PAPSS1: variants seen among roughly 807,000 people sequenced by gnomAD.
The protein encoded by PAPSS1 is 3'-phosphoadenosine 5'-phosphosulfate synthase 1.
In PAPSS1, 50 loss-of-function variants were observed where a neutral mutation model predicts 72.0. The ratio of observed to expected loss-of-function variants is 0.69; its 90% CI spans 0.55 to 0.88. The LOEUF (loss-of-function observed/expected upper bound fraction) is 0.88, where lower values mean the gene tolerates loss of function less well. Ranked by LOEUF, PAPSS1 falls within the 40% of genes least tolerant of loss-of-function variation. The probability of loss-of-function intolerance (pLI) is 0.00; values close to 1 mark genes in which losing one functional copy is unlikely to be tolerated. For missense variants in PAPSS1, 657 were observed against 782.2 expected (o/e 0.84, Z 1.91); for synonymous variants, 261 against 263.6 (o/e 0.99, Z 0.09).
intron 1 of PAPSS1, among the ~76,000 whole-genome samples, chr4:107,714,912 A>G (rs887488427): frequency 2.1e-4 from 32 of 152,204 alleles, no homozygotes; most frequent in Admixed American, 6.5e-5. Context: ...TGCTACCAGA[A>G]GCCAGGGTGC....
intron 3 of PAPSS1, among the ~76,000 whole-genome samples, chr4:107,691,123 T>C (rs1722909150): frequency 6.6e-6 from 1 of 151,988 alleles, no homozygotes; most frequent in Non-Finnish European, 1.5e-5. Flanking sequence ...AGTGAACCTG[T>C]GTAAATAATA....
chr4:107,713,424 A>C (rs568526811), intron 1 of PAPSS1, among the ~76,000 whole-genome samples: 2 of 152,224 alleles, frequency 1.3e-5, no homozygotes, highest in South Asian at 4.2e-4. Context: ...ATGGCTGTAC[A>C]ACTCTGGCTA....
chr4:107,669,327 AAAC>A (rs1294745108), intron 5 of PAPSS1, among the ~76,000 whole-genome samples: 2 of 152,230 alleles, frequency 1.3e-5, no homozygotes, highest in Non-Finnish European at 2.9e-5. Context: ...TTAGTGAGAA[AAAC>A]AACCAAAAGA....
At position 107,654,676 on chromosome 4, in the gene PAPSS1, A is replaced by C; in HGVS notation, c.1101+19T>G. 1 of 1,591,088 alleles carries C rather than the reference A, an allele frequency of 6.3e-7. No homozygotes were observed. Among genetic ancestry groups the C allele is most frequent in the South Asian group, 1.1e-5 (1 of 90,442 alleles). On this transcript the variant is annotated intron_variant, in intron 8 of 11. Transcript: ENST00000265174. ...TCATTGGCAAATCAAGATAAAATGCAGCGAGGTTTTTTCAGCACCTTAATA... is the reference window on the plus strand; with the variant it reads ...TCATTGGCAAATCAAGATAAAATGCCGCGAGGTTTTTTCAGCACCTTAATA...
At chr4:107,672,847 C>T (rs1727526755) in intron 5 of PAPSS1, among the ~76,000 whole-genome samples, 1 of 152,216 alleles carries the variant, frequency 6.6e-6, no homozygotes, top group Non-Finnish European at 1.5e-5. Context: ...CAGCCAGGTA[C>T]TCCTCTGAGA....
In PAPSS1 at chr4:107,694,196, G is replaced by A. The variant is rs1723011446; in HGVS notation, c.176-190C>T. ...ATGCCTCAGCCTTCCAAATAGCTAG[G>A]ACAACAGGCACATGCCACCACATCC... On this transcript the variant is annotated intron_variant, in intron 2 of 11. Transcript: ENST00000265174. 14 of 549,128 alleles carry A rather than the reference G, an allele frequency of 2.5e-5. No homozygotes were observed. The South Asian group carries it at 3.2e-4, about 13-fold the overall frequency. The allele number at this position is 549,128 out of a possible 1,614,324, so 34.0% of individuals were successfully genotyped here. A position where few individuals can be genotyped will look rare whatever the true frequency, so the allele number is the denominator to read the frequency against.
chr4:107,675,819 C>G (rs903963223), intron 5 of PAPSS1, among the ~76,000 whole-genome samples: 1 of 152,162 alleles, frequency 6.6e-6, no homozygotes, highest in Admixed American at 6.5e-5. Flanking sequence ...AGCAGCACAT[C>G]AAAAAGCTTA....
At chr4:107,705,801 C>T (rs537427043) in intron 1 of PAPSS1, among the ~76,000 whole-genome samples, 6 of 152,336 alleles carry the variant, frequency 3.9e-5, no homozygotes, top group Admixed American at 2.6e-4. Context: ...TAATTAGCAT[C>T]CTTTTATTTC....
At chr4:107,698,665 T>C (rs2125935788) in intron 2 of PAPSS1, among the ~76,000 whole-genome samples, 1 of 152,284 alleles carries the variant, frequency 6.6e-6, no homozygotes, top group South Asian at 2.1e-4. Context: ...ACCTAAACTG[T>C]AATTGATGAA....
intron 11 of PAPSS1, among the ~76,000 whole-genome samples, chr4:107,624,798 G>C (rs1293029638): frequency 6.6e-6 from 1 of 152,162 alleles, no homozygotes; most frequent in Non-Finnish European, 1.5e-5. Flanking sequence ...GTTATAGTCA[G>C]ACTCTACATG....
At position 107,643,516 on chromosome 4, in the gene PAPSS1, C is replaced by G. The variant is rs550413926; in HGVS notation, c.1506+1286G>C. On this transcript the variant is annotated intron_variant, in intron 10 of 11. Transcript: ENST00000265174. ...GAATCCTGCTCCCTTCCTTTCTCTT[C>G]CCTTCCAGAGGTGTTGATCCCAAGA... Among the ~76,000 whole-genome samples the G allele has an allele frequency of 3.3e-5, 5 of 152,304 alleles. No homozygotes were observed. In the East Asian group the frequency reaches 7.7e-4, roughly 24 times the overall value.
At chr4:107,674,049 AG>A (rs199929060) in intron 5 of PAPSS1, among the ~76,000 whole-genome samples, 27,502 of 152,182 alleles carry the variant, frequency 0.18, 2,890 homozygotes, top group East Asian at 0.36. Context: ...TGAAGGAAGC[AG>A]TAAACATAGA....
intron 5 of PAPSS1, among the ~76,000 whole-genome samples, chr4:107,669,299 T>C (rs1295141157): frequency 6.6e-6 from 1 of 152,220 alleles, no homozygotes; most frequent in Non-Finnish European, 1.5e-5. Context: ...TGTGCCCTAA[T>C]GCCCACTGGG....
At chr4:107,676,762 T>G (rs1448518255) in intron 5 of PAPSS1, among the ~76,000 whole-genome samples, 7 of 152,178 alleles carry the variant, frequency 4.6e-5, no homozygotes, top group African/African-American at 1.7e-4. Flanking sequence ...GCTGGAGGCA[T>G]CACACTACCT....
At chr4:107,686,994 TA>T in intron 4 of PAPSS1, 44 bp downstream of exon 4, 1 of 1,556,892 alleles carries the variant, frequency 6.4e-7, no homozygotes, top group Non-Finnish European at 8.7e-7. Flanking sequence ...TATGGGAACA[TA>T]AAATATCTAA....
chr4:107,688,774 C>G (rs1322012042), intron 3 of PAPSS1, among the ~76,000 whole-genome samples: 1 of 152,182 alleles, frequency 6.6e-6, no homozygotes, highest in Non-Finnish European at 1.5e-5. Context: ...AGCTTGAACC[C>G]TGACCTCTGT....
At chr4:107,719,779 T>G in intron 1 of PAPSS1, 1 of 1,154,936 alleles carries the variant, frequency 8.7e-7, no homozygotes, top group Non-Finnish European at 1.1e-6. Context: ...AGCCGCAGGT[T>G]TCAGCACCCG....
At chr4:107,644,638 T>C (rs1409747546) in intron 10 of PAPSS1, among the ~76,000 whole-genome samples, 164 bp downstream of exon 10, 1 of 152,138 alleles carries the variant, frequency 6.6e-6, no homozygotes, top group Non-Finnish European at 1.5e-5. Flanking sequence ...AGGCTGCCCC[T>C]AGCATCCAGG....
chr4:107,720,230 A>C lies in PAPSS1; in HGVS notation c.-51T>G, dbSNP rs763153639. 4 of 1,562,240 alleles carry C rather than the reference A, an allele frequency of 2.6e-6. No homozygotes were observed. The highest frequency in any genetic ancestry group is 3.5e-6 in the Non-Finnish European group (4 of 1,150,700). The stretch of plus-strand genomic sequence containing the variant: ...GGGTTCTCTGCGCCGGGAGGGTAGC[A>C]AGAGGAGGGCAGGCCAGCGAGCGGG... On this transcript the variant is annotated 5_prime_UTR_variant, in exon 1 of 12. Transcript: ENST00000265174.
Sources: gnomAD v4.1 joint callset for allele counts (sites outside exome capture counted in the v4.1 genomes callset) on GRCh38, gnomAD v4.1.1 for gene constraint, MANE v1.5 for transcripts, NCBI Gene and HGNC (gene_info 2026-07-23, HGNC 2026-07-21) for gene names.